Variants in NPAT observed in about 807,000 individuals in gnomAD.
NPAT encodes nuclear protein, coactivator of histone transcription, also known as protein NPAT.
In NPAT, 52 loss-of-function variants were observed where a neutral mutation model predicts 130.7. The ratio of observed to expected loss-of-function variants is 0.40; its 90% CI spans 0.32 to 0.50. NPAT has a LOEUF of 0.50. Among genes scored for constraint, NPAT ranks in the 20% least tolerant of loss-of-function variants. The pLI, the probability that NPAT is intolerant of heterozygous loss-of-function variation, is 0.68. For synonymous variants in NPAT, 580 were observed against 584.8 expected (o/e 0.99, Z 0.12); for missense variants, 1,687 against 1,662.6 (o/e 1.01, Z -0.26).
intron 2 of NPAT, among the ~76,000 whole-genome samples, chr11:108,195,227 G>A (rs1047615384): frequency 2.6e-5 from 4 of 152,172 alleles, no homozygotes; most frequent in African/African-American, 4.8e-5. Flanking sequence ...TTCACATGAG[G>A]AGTACATGCA....
rs1478835755 is a variant in NPAT, at chr11:108,157,710, C to T, written c.*1232G>A. ...CCTAATATACTGATATTTAATTGAACGGAAAGTACTAAAGAGAACATACTT... is the reference window on the plus strand; with the variant it reads ...CCTAATATACTGATATTTAATTGAATGGAAAGTACTAAAGAGAACATACTT... On this transcript the variant is annotated 3_prime_UTR_variant, in exon 18 of 18. Coordinates refer to ENST00000278612, the MANE Select transcript of NPAT (RefSeq NM_002519.3). 1 of 152,230 alleles carries T rather than the reference C, an allele frequency of 6.6e-6. No homozygotes were observed. The highest frequency in any genetic ancestry group is 1.5e-5 in the Non-Finnish European group (1 of 67,934). 9.4% of individuals were successfully genotyped at this position (152,230 alleles called of 1,614,324 possible). A position where few individuals can be genotyped will look rare whatever the true frequency, so the allele number is the denominator to read the frequency against.
rs1565311506 is a variant in NPAT at position 108,173,341 on chromosome 11, CTTTT to C, written c.1639_1642del (p.Lys547ValfsTer11). ...ATCATTAGAATTTTCACAAAATTGA[CTTTT>C]TTTAGATGGCTTTCCAGTTAATGAA... is the stretch of plus-strand genomic sequence containing the variant. On this transcript the variant is annotated frameshift_variant, in exon 13 of 18. Transcript: ENST00000278612. LOFTEE classifies it high-confidence loss of function. 2 of 1,613,164 alleles carry C rather than the reference CTTTT, an allele frequency of 1.2e-6. No individual in the cohort carries two copies. Among genetic ancestry groups the C allele is most frequent in the Admixed American group, 1.7e-5 (1 of 59,966 alleles).
In NPAT at chr11:108,161,164, G is replaced by A; in HGVS notation, c.3922C>T (p.Pro1308Ser). The A allele has an allele frequency of 1.2e-6, 2 of 1,614,170 alleles. No homozygotes were observed. Among genetic ancestry groups the A allele is most frequent in the East Asian group, 2.2e-5 (1 of 44,886 alleles). Reference protein sequence around the residue: ...DSSTSKVMVPPVTPDLPACSP... With the variant: ...DSSTSKVMVPSVTPDLPACSP... ...CAGGCAGGCAAGTCTGGGGTGACAG[G>A]AGGGACCATTACTTTTGATGTACTA... Residue 1308 changes from proline (P) to serine (S), a missense_variant, in exon 17 of 18, where the codon CCT becomes TCT. Around this residue, in one of 3 missense-constraint regions of NPAT, gnomAD observed 1,379 missense variants for 1,346.6 expected, o/e 1.02. Coordinates refer to ENST00000278612, the MANE Select transcript of NPAT (RefSeq NM_002519.3).
chr11:108,174,164 T>G (rs548167955), intron 12 of NPAT, among the ~76,000 whole-genome samples: 1 of 152,360 alleles, frequency 6.6e-6, no homozygotes, highest in African/African-American at 2.4e-5. Context: ...AAATGAAGTT[T>G]ATTTTGAAAC....
At chr11:108,176,121 A>ATTAT (rs2078003279) in intron 12 of NPAT, 125 bp downstream of exon 12, 1 of 727,986 alleles carries the variant, frequency 1.4e-6, no homozygotes, top group South Asian at 1.7e-5. Flanking sequence ...AACAGAGAGA[A>ATTAT]AAATACAAAA....
chr11:108,211,724 A>C (rs1397390131), intron 1 of NPAT, among the ~76,000 whole-genome samples: 1 of 152,234 alleles, frequency 6.6e-6, no homozygotes, highest in Non-Finnish European at 1.5e-5. Flanking sequence ...TCACATTATC[A>C]TGGAAAAAGA....
intron 17 of NPAT, among the ~76,000 whole-genome samples, chr11:108,160,602 C>T (rs145606599): frequency 3.9e-5 from 6 of 152,268 alleles, no homozygotes; most frequent in African/African-American, 1.4e-4. Context: ...AAACAAATGC[C>T]TCAGCAGTTT....
At chr11:108,209,326 C>T (rs996145566) in intron 1 of NPAT, among the ~76,000 whole-genome samples, 2 of 152,000 alleles carry the variant, frequency 1.3e-5, no homozygotes, top group Admixed American at 6.6e-5. Context: ...AAAAGATAAG[C>T]CAAGCATGGT....
chr11:108,178,720 T>A (rs1448545212), intron 10 of NPAT, among the ~76,000 whole-genome samples: 1 of 152,006 alleles, frequency 6.6e-6, no homozygotes, highest in African/African-American at 2.4e-5. Flanking sequence ...TAGCTGGGTG[T>A]GGTGGCGCAT....
In NPAT at chr11:108,188,164, T is replaced by C; in HGVS notation, c.572A>G (p.Asn191Ser). The change falls in exon 7 of 18, where the codon AAT (asparagine) becomes AGT (serine). Residue 191 changes from asparagine (N) to serine (S), a missense_variant. Physicochemically the swap from Asn to Ser is conservative, Grantham distance 46. This residue lies in a region of NPAT where 307 missense variants were observed against 298.9 expected (regional missense o/e 1.03). Transcript: ENST00000278612. Reference protein sequence around the residue: ...QDTVTTGEALNVIPGAQEKKA... With the variant: ...QDTVTTGEALSVIPGAQEKKA... Reference sequence around the variant, plus strand: ...CTTTTCCTGAGCACCAGGAATGACATTTAAAGCTTCTCCAGCTGTATTTCA... The same window carrying C: ...CTTTTCCTGAGCACCAGGAATGACACTTAAAGCTTCTCCAGCTGTATTTCA... The C allele has an allele frequency of 1.9e-6, 3 of 1,613,530 alleles. No homozygotes were observed. The highest frequency in any genetic ancestry group is 8.5e-7 in the Non-Finnish European group (1 of 1,179,582).
intron 7 of NPAT, among the ~76,000 whole-genome samples, chr11:108,187,130 G>A (rs537191142): frequency 2.0e-5 from 3 of 152,066 alleles, no homozygotes; most frequent in Non-Finnish European, 4.4e-5. Flanking sequence ...AAAAAGTCAG[G>A]GTTCCTATAA....
intron 10 of NPAT, among the ~76,000 whole-genome samples, chr11:108,183,451 T>C (rs1183604469): frequency 6.6e-6 from 1 of 152,206 alleles, no homozygotes; most frequent in East Asian, 1.9e-4. Flanking sequence ...ATATTTCTAT[T>C]GTCCAATGGT....
At chr11:108,175,156 C>T (rs112234939) in intron 12 of NPAT, among the ~76,000 whole-genome samples, 5 of 152,310 alleles carry the variant, frequency 3.3e-5, no homozygotes, top group African/African-American at 7.2e-5. Flanking sequence ...ACTACATTCA[C>T]ATAACTTTTA....
chr11:108,176,459 A>T (rs2078007386), intron 11 of NPAT, 85 bp from the exon 12 acceptor site: 2 of 1,009,844 alleles, frequency 2.0e-6, no homozygotes, highest in Non-Finnish European at 3.1e-6. Flanking sequence ...TGATTACGCA[A>T]ATGTTAAACT....
chr11:108,184,450 C>T (rs961655989), intron 10 of NPAT, among the ~76,000 whole-genome samples: 5 of 145,122 alleles, frequency 3.4e-5, no homozygotes, highest in African/African-American at 7.6e-5. Context: ...CCAGCCTGGG[C>T]GACAAAGTGA....
At chr11:108,164,589 A>G (rs1344642402) in intron 15 of NPAT, among the ~76,000 whole-genome samples, 1 of 152,226 alleles carries the variant, frequency 6.6e-6, no homozygotes, top group Non-Finnish European at 1.5e-5. Context: ...TTCAATGGGT[A>G]TATGGAAACA....
chr11:108,190,719 T>C (rs2078161288), intron 4 of NPAT, among the ~76,000 whole-genome samples: 1 of 152,178 alleles, frequency 6.6e-6, no homozygotes, highest in Non-Finnish European at 1.5e-5. Flanking sequence ...ACACATAATT[T>C]TCATTAAGAA....
At chr11:108,162,046 C>T (rs750726268) in intron 16 of NPAT, 32 bp from the exon 17 acceptor site, 3 of 1,609,924 alleles carry the variant, frequency 1.9e-6, no homozygotes, top group Admixed American at 1.7e-5. Context: ...CTATTTCTAG[C>T]AGCATAAAGA....
chr11:108,174,937 A>C (rs2077990357), intron 12 of NPAT, among the ~76,000 whole-genome samples: 2 of 152,222 alleles, frequency 1.3e-5, no homozygotes, highest in African/African-American at 4.8e-5. Flanking sequence ...GTGTTTCAGA[A>C]AACAACAATA....
Sources: gnomAD v4.1 joint callset for allele counts (sites outside exome capture counted in the v4.1 genomes callset) on GRCh38, gnomAD v4.1.1 for gene constraint, gnomAD v4.1.1 regional missense constraint, MANE v1.5 for transcripts, NCBI Gene and HGNC (gene_info 2026-07-23, HGNC 2026-07-21) for gene names.